CEP295: variants seen among roughly 807,000 people sequenced by gnomAD.
The protein encoded by CEP295 is centrosomal protein 295, also known as centrosomal protein of 295 kDa.
Under a neutral mutation model 291.6 loss-of-function variants are expected in CEP295, and 190 were observed. The ratio of observed to expected loss-of-function variants is 0.65; its 90% confidence interval spans 0.58 to 0.73. The LOEUF (loss-of-function observed/expected upper bound fraction) is 0.73, where lower values mean the gene tolerates loss of function less well. Among genes scored for constraint, CEP295 ranks in the 30% least tolerant of loss-of-function variants. CEP295 has a pLI of 0.00. For synonymous variants in CEP295, 993 were observed against 1,038.8 expected (o/e 0.96, Z 0.85); for missense variants, 2,863 against 2,949.4 (o/e 0.97, Z 0.68).
At chr11:93,718,664 T>C (rs566046438) in intron 18 of CEP295, among the ~76,000 whole-genome samples, 13 of 152,242 alleles carry the variant, frequency 8.5e-5, no homozygotes, top group Non-Finnish European at 1.8e-4. Flanking sequence ...TATTAGTGAA[T>C]TGAACATCCC....
At position 93,727,435 on chromosome 11, in the gene CEP295, ACT is replaced by A; in HGVS notation, c.6963_6964del (p.Arg2322IlefsTer23). 6.4e-7 allele frequency: 1 copy of A among 1,551,828 alleles called. No individual in the cohort carries two copies. Among genetic ancestry groups the A allele is most frequent in the Non-Finnish European group, 8.7e-7 (1 of 1,146,968 alleles). The stretch of plus-strand genomic sequence containing the variant: ...ATAAATCCACAGGTAGAGGAAACTG[ACT>A]CTCGATTATGTGTAAGAACAGTGGA... On this transcript the variant is annotated frameshift_variant, in exon 24 of 30. Transcript: ENST00000325212. LOFTEE classifies it high-confidence loss of function.
In CEP295 at chr11:93,699,232, T is replaced by C. The variant is rs1161388036; in HGVS notation, c.4320T>C (p.Asp1440=). 3.2e-6 allele frequency: 5 copies of C among 1,551,864 alleles called. No individual in the cohort carries two copies. ...ACTCAGAGATACCAACATTGCCTGATGGGCTGTTGGGTTTATCACATCTTG... is the reference window on the plus strand; with the variant it reads ...ACTCAGAGATACCAACATTGCCTGACGGGCTGTTGGGTTTATCACATCTTG... ...SGHSEIPTLP[D]GLLGLSHLVL... The change falls in exon 15 of 30, where the codon GAT becomes GAC. Residue 1440 remains aspartate (D), a synonymous_variant. Coordinates refer to ENST00000325212, the MANE Select transcript of CEP295 (RefSeq NM_033395.2).
intron 17 of CEP295, among the ~76,000 whole-genome samples, chr11:93,704,219 GA>G (rs1184248483): frequency 6.6e-6 from 1 of 152,004 alleles, no homozygotes; most frequent in African/African-American, 2.4e-5. Context: ...AAGGTACTTA[GA>G]AGTTGTATCC....
At chr11:93,729,363 A>T (rs932991807) in intron 25 of CEP295, 71 bp from the exon 26 acceptor site, 10 of 1,048,478 alleles carry the variant, frequency 9.5e-6, no homozygotes, top group Non-Finnish European at 1.4e-5. Context: ...GCTGCACTCT[A>T]ATCTGACAGC....
rs1938126291 is a variant in CEP295 at position 93,729,745 on chromosome 11, T to A, written c.7531T>A (p.Ser2511Thr). Residue 2511 changes from serine to threonine, a missense_variant, in exon 27 of 30, where the codon TCT becomes ACT. By Grantham distance (58) the Ser-to-Thr change is moderately conservative (BLOSUM62 1). Around this residue, in one of 3 missense-constraint regions of CEP295, gnomAD observed 2,295 missense variants for 2,335.7 expected, o/e 0.98. Transcript: ENST00000325212. ...IRNKIHVSEN[S>T]QIKTVKEKPS... ...GAATAAAATTCATGTCTCTGAAAAT[T>A]CTCAAATCAAAACAGTTAAAGAGAA... is the stretch of plus-strand genomic sequence containing the variant. 6.5e-7 allele frequency: 1 copy of A among 1,549,398 alleles called. No homozygotes were observed. The highest frequency in any genetic ancestry group is 2.4e-5 in the East Asian group (1 of 40,904).
intron 18 of CEP295, among the ~76,000 whole-genome samples, chr11:93,716,971 C>T (rs537556250): frequency 6.6e-6 from 1 of 152,240 alleles, no homozygotes; most frequent in Non-Finnish European, 1.5e-5. Flanking sequence ...AATCTATAAA[C>T]TTATACCATA....
chr11:93,661,922 G>T (rs1950004610), intron 1 of CEP295, 148 bp downstream of exon 1: 1 of 152,714 alleles, frequency 6.5e-6, no homozygotes, highest in African/African-American at 2.4e-5. Context: ...CTCAGGCTCC[G>T]CAGGCCGTGG....
chr11:93,671,776 C>G (rs1950461496), intron 5 of CEP295, among the ~76,000 whole-genome samples: 1 of 152,016 alleles, frequency 6.6e-6, no homozygotes, highest in South Asian at 2.1e-4. Context: ...GGGAAATGCA[C>G]CATATAAGAA....
At chr11:93,712,425 TG>T (rs1476074381) in intron 18 of CEP295, among the ~76,000 whole-genome samples, 1 of 152,120 alleles carries the variant, frequency 6.6e-6, no homozygotes, top group Non-Finnish European at 1.5e-5. Context: ...GGCTAATTTT[TG>T]TATTTTTAGT....
Position 93,724,259 on chromosome 11 carries a change from G to A in CEP295, c.6202G>A (p.Glu2068Lys), listed in dbSNP as rs1953975165. ...IPEKTDLQEL[E>K]HIFPNLHHQL... is the part of the protein sequence containing the mutation. ...AGTTGACCTTGACTTTCCAGAATTG[G>A]AACACATTTTTCCTAATTTGCATCA... The change falls in exon 22 of 30, where the codon GAA becomes AAA. Residue 2068 changes from glutamate to lysine, a missense_variant. Transcript: ENST00000325212. 1 of 1,546,804 alleles carries A rather than the reference G, an allele frequency of 6.5e-7. No individual in the cohort carries two copies. The highest frequency in any genetic ancestry group is 8.7e-7 in the Non-Finnish European group (1 of 1,145,728).
rs1284465264 is a variant in CEP295, at chr11:93,729,699, C to G, written c.7485C>G (p.His2495Gln). Reference sequence around the variant, plus strand: ...AAAAATCATTTATGGAGAGATCCCACCAGAGGCAGAAAGAAATAAGGAATA... The same window carrying G: ...AAAAATCATTTATGGAGAGATCCCAGCAGAGGCAGAAAGAAATAAGGAATA... Reference protein sequence around the residue: ...KRKKSFMERSHQRQKEIRNKI... With the variant: ...KRKKSFMERSQQRQKEIRNKI... Residue 2495 changes from histidine to glutamine, a missense_variant, in exon 27 of 30, where the codon CAC becomes CAG. His to Gln is a conservative substitution (Grantham distance 24). Transcript: ENST00000325212. 4.5e-6 allele frequency: 7 copies of G among 1,549,812 alleles called. No homozygotes were observed. The highest frequency in any genetic ancestry group is 6.1e-6 in the Non-Finnish European group (7 of 1,145,452).
At chr11:93,666,251 C>A (rs1008107774) in intron 1 of CEP295, among the ~76,000 whole-genome samples, 1 of 152,140 alleles carries the variant, frequency 6.6e-6, no homozygotes, top group South Asian at 2.1e-4. Context: ...CTCAAATTTT[C>A]CTTGCATGTA....
chr11:93,705,614 A>G (rs1046278357), intron 17 of CEP295, among the ~76,000 whole-genome samples: 1 of 152,136 alleles, frequency 6.6e-6, no homozygotes, highest in Admixed American at 6.5e-5. Context: ...TGTTTCATGG[A>G]TGCAGAATGT....
chr11:93,727,371 A>T lies in CEP295; in HGVS notation c.6895A>T (p.Ile2299Phe), dbSNP rs1378960332. 3 of 1,551,504 alleles carry T rather than the reference A, an allele frequency of 1.9e-6. No homozygotes were observed. Residue 2299 changes from isoleucine to phenylalanine, a missense_variant, in exon 24 of 30, where the codon ATT (isoleucine) becomes TTT (phenylalanine). Ile to Phe is a conservative substitution (Grantham distance 21, BLOSUM62 0). Transcript: ENST00000325212. ...VVTMLQSQGL[I>F]EDNKNETCRV... ...TACAATGTTACAAAGTCAAGGACTCATTGAAGATAATAAAAATGAAACCTG... is the reference window on the plus strand; with the variant it reads ...TACAATGTTACAAAGTCAAGGACTCTTTGAAGATAATAAAAATGAAACCTG...
At chr11:93,724,426 A>G (rs1458966859) in intron 22 of CEP295, 51 bp downstream of exon 22, 1 of 1,514,258 alleles carries the variant, frequency 6.6e-7, no homozygotes, top group African/African-American at 1.4e-5. Flanking sequence ...AATAGTTTTA[A>G]GCCATTTCTT....
chr11:93,676,517 C>T (rs1172656687), intron 6 of CEP295, among the ~76,000 whole-genome samples: 1 of 151,864 alleles, frequency 6.6e-6, no homozygotes, highest in African/African-American at 2.4e-5. Context: ...TTTTGGTTGA[C>T]TGCTTAATAG....
intron 12 of CEP295, among the ~76,000 whole-genome samples, chr11:93,695,113 T>C (rs1352852822): frequency 1.3e-5 from 2 of 152,388 alleles, no homozygotes; most frequent in East Asian, 3.9e-4. Flanking sequence ...GGCCTTGATA[T>C]TTAATTTCTT....
chr11:93,673,275 C>A (rs898406857), intron 5 of CEP295, among the ~76,000 whole-genome samples: 1 of 152,088 alleles, frequency 6.6e-6, no homozygotes, highest in African/African-American at 2.4e-5. Flanking sequence ...CATAGCAAGA[C>A]CCTGTCTCAA....
At chr11:93,728,540 G>T in intron 24 of CEP295, 141 bp from the exon 25 acceptor site, 1 of 589,146 alleles carries the variant, frequency 1.7e-6, no homozygotes, top group Non-Finnish European at 2.8e-6. Context: ...CTGATCTGTT[G>T]GTCTTTGCCA....
Sources: gnomAD v4.1 joint callset for allele counts (sites outside exome capture counted in the v4.1 genomes callset) on GRCh38, gnomAD v4.1.1 for gene constraint, gnomAD v4.1.1 regional missense constraint, MANE v1.5 for transcripts, NCBI Gene and HGNC (gene_info 2026-07-23, HGNC 2026-07-21) for gene names.